XIRP2: variants seen among roughly 807,000 people sequenced by gnomAD.
XIRP2 encodes the protein xin actin binding repeat containing 2.
A neutral mutation model predicts 277.0 loss-of-function variants in XIRP2; 236 were observed. The observed-to-expected ratio is 0.85, with a 90% CI of 0.77 to 0.95. The LOEUF (loss-of-function observed/expected upper bound fraction) is 0.95, where lower values mean the gene tolerates loss of function less well. XIRP2 is among the 40% of genes least tolerant of loss of function. The pLI, the probability that XIRP2 is intolerant of heterozygous loss-of-function variation, is 0.00. For synonymous variants in XIRP2, 1,490 were observed against 1,416.5 expected, an observed-to-expected ratio of 1.05 and a Z score of -1.17; for missense variants, 4,640 against 4,157.5, an observed-to-expected ratio of 1.12 and a Z score of -3.19.
chr2:167,156,236 G>A (rs901614963), intron 3 of XIRP2, among the ~76,000 whole-genome samples: 7 of 151,922 alleles, frequency 4.6e-5, no homozygotes, highest in East Asian at 1.9e-4. Context: ...TCACAGAATT[G>A]GAAAAAACTA....
intron 4 of XIRP2, among the ~76,000 whole-genome samples, chr2:167,217,785 G>A (rs1694299098): frequency 6.6e-6 from 1 of 151,784 alleles, no homozygotes; most frequent in Non-Finnish European, 1.5e-5. Context: ...TAGATGTTTG[G>A]GATTTTAATG....
intron 2 of XIRP2, among the ~76,000 whole-genome samples, chr2:166,908,235 T>C (rs1684584181): frequency 6.6e-6 from 1 of 152,224 alleles, no homozygotes; most frequent in South Asian, 2.1e-4. Flanking sequence ...CCACCAACAG[T>C]GTAAAAGTGT....
chr2:167,167,513 G>A (rs1246722199), intron 3 of XIRP2, among the ~76,000 whole-genome samples: 4 of 151,544 alleles, frequency 2.6e-5, no homozygotes, highest in African/African-American at 9.7e-5. Flanking sequence ...ACTTTTTTTA[G>A]TAGTTGTTCT....
chr2:167,208,104 C>G (rs556003226), intron 3 of XIRP2, among the ~76,000 whole-genome samples: 1 of 152,272 alleles, frequency 6.6e-6, no homozygotes, highest in Non-Finnish European at 1.5e-5. Flanking sequence ...TTTTGGATTA[C>G]TCGTCTGCAC....
At chr2:166,920,001 A>G (rs1350074275) in intron 2 of XIRP2, among the ~76,000 whole-genome samples, 1 of 152,130 alleles carries the variant, frequency 6.6e-6, no homozygotes, top group Non-Finnish European at 1.5e-5. Flanking sequence ...TTTAGTTTAT[A>G]GCTGTAGCCT....
chr2:167,007,593 G>A (rs1290043841), intron 2 of XIRP2, among the ~76,000 whole-genome samples: 1 of 151,298 alleles, frequency 6.6e-6, no homozygotes, highest in East Asian at 1.9e-4. Flanking sequence ...TATGTACTGG[G>A]GGGAATGGGG....
In XIRP2 at chr2:167,249,356, T is replaced by C. The variant is rs751123658; in HGVS notation, c.7964T>C (p.Met2655Thr). ...GCAGCTTCAGAAGACAAAGATAAGA[T>C]GAAAAAGGAAGTTTTACAAAGCTCA... Reference protein sequence around the residue: ...VLAASEDKDKMKKEVLQSSRD... With the variant: ...VLAASEDKDKTKKEVLQSSRD... The change falls in exon 9 of 11, where the codon ATG becomes ACG. Residue 2655 changes from methionine to threonine, a missense_variant. Met to Thr is a moderately conservative substitution (Grantham distance 81, BLOSUM62 -1). Coordinates refer to ENST00000409195, the MANE Select transcript of XIRP2 (RefSeq NM_152381.6). 2.5e-6 allele frequency: 4 copies of C among 1,613,684 alleles called. No individual in the cohort carries two copies. The highest frequency in any genetic ancestry group is 1.7e-4 in the Middle Eastern group (1 of 6,058).
At chr2:166,897,500 G>A (rs187666959) in intron 1 of XIRP2, among the ~76,000 whole-genome samples, 47 of 152,216 alleles carry the variant, frequency 3.1e-4, no homozygotes, top group African/African-American at 1.1e-3. Context: ...CAAAAGTATT[G>A]TAGCAGTCGG....
At chr2:166,938,042 C>T (rs1308575874) in intron 2 of XIRP2, among the ~76,000 whole-genome samples, 2 of 152,150 alleles carry the variant, frequency 1.3e-5, no homozygotes, top group Non-Finnish European at 2.9e-5. Flanking sequence ...TTTCAAAAAA[C>T]CAGCTCCTGG....
chr2:167,247,411 GGCAA>G lies in XIRP2; in HGVS notation c.6020_6023del (p.Gly2007ValfsTer2). The G allele has an allele frequency of 6.2e-7, 1 of 1,613,708 alleles. No individual in the cohort carries two copies. Among genetic ancestry groups the G allele is most frequent in the East Asian group, 2.2e-5 (1 of 44,842 alleles). On this transcript the variant is annotated frameshift_variant, in exon 9 of 11. Transcript: ENST00000409195. LOFTEE classifies it high-confidence loss of function. ...TCAAACTATGGGGAAATCTTGCCAT[GGCAA>G]TTTAGTAGAAGAAAGAACTGAGGTT...
intron 3 of XIRP2, among the ~76,000 whole-genome samples, chr2:167,198,222 C>T (rs1693576177): frequency 6.6e-6 from 1 of 152,188 alleles, no homozygotes; most frequent in Admixed American, 6.5e-5. Flanking sequence ...CTGACATCAT[C>T]TCTTTCTTTT....
At chr2:167,014,794 G>A (rs540699424) in intron 2 of XIRP2, among the ~76,000 whole-genome samples, 1 of 151,874 alleles carries the variant, frequency 6.6e-6, no homozygotes, top group South Asian at 2.1e-4. Flanking sequence ...CAAATGTTAA[G>A]TTCTATTTTA....
intron 2 of XIRP2, among the ~76,000 whole-genome samples, chr2:166,963,228 A>G (rs1226808400): frequency 6.6e-6 from 1 of 151,828 alleles, no homozygotes; most frequent in Non-Finnish European, 1.5e-5. Context: ...TAATTTATAA[A>G]CAATATAGCT....
At chr2:166,900,816 C>G (rs1296214305) in intron 1 of XIRP2, among the ~76,000 whole-genome samples, 1 of 152,058 alleles carries the variant, frequency 6.6e-6, no homozygotes, top group Non-Finnish European at 1.5e-5. Flanking sequence ...TAGTTACCAG[C>G]TCTGTCCTCT....
chr2:167,059,678 T>A (rs1574214473), intron 2 of XIRP2, among the ~76,000 whole-genome samples: 1 of 152,146 alleles, frequency 6.6e-6, no homozygotes, highest in African/African-American at 2.4e-5. Flanking sequence ...AGTGGCATTC[T>A]GACAAAAGAA....
rs1688489236 is a variant in XIRP2, at chr2:167,035,631, TG to T, written c.409-100275del. The stretch of plus-strand genomic sequence containing the variant: ...AAGCAGAGCATAAAAGGTCGGAACA[TG>T]GGCAGCCTGACAATGTGATAGAAAA... On this transcript the variant is annotated intron_variant, in intron 2 of 10. Coordinates refer to ENST00000409195, the MANE Select transcript of XIRP2 (RefSeq NM_152381.6). Among the ~76,000 whole-genome samples, 3 of 152,302 alleles carry T rather than the reference TG, an allele frequency of 2.0e-5. 1 individual carries two copies. The highest frequency in any genetic ancestry group is 7.2e-5 in the African/African-American group (3 of 41,558).
chr2:166,970,355 T>C (rs1374831381), intron 2 of XIRP2, among the ~76,000 whole-genome samples: 2 of 151,982 alleles, frequency 1.3e-5, no homozygotes, highest in Admixed American at 1.3e-4. Context: ...ATTTACCTGA[T>C]TGTGAAGTAT....
intron 2 of XIRP2, among the ~76,000 whole-genome samples, chr2:167,044,500 A>G (rs1311021870): frequency 2.1e-4 from 32 of 152,184 alleles, no homozygotes; most frequent in Middle Eastern, 3.4e-3. Flanking sequence ...ATCACAGATG[A>G]TATGATTCTA....
intron 2 of XIRP2, among the ~76,000 whole-genome samples, chr2:167,093,484 C>G (rs1690208270): frequency 6.6e-6 from 1 of 152,028 alleles, no homozygotes; most frequent in African/African-American, 2.4e-5. Context: ...AACTCCCCAA[C>G]AGGCCCCAGT....
Sources: gnomAD v4.1 joint callset for allele counts (sites outside exome capture counted in the v4.1 genomes callset) on GRCh38, gnomAD v4.1.1 for gene constraint, MANE v1.5 for transcripts, NCBI Gene and HGNC (gene_info 2026-07-23, HGNC 2026-07-21) for gene names.